KCNIP1: variants seen among roughly 807,000 people sequenced by gnomAD.
The protein encoded by KCNIP1 is potassium voltage-gated channel interacting protein 1.
KCNIP1 carries 18 observed loss-of-function variants against 33.0 expected under a neutral mutation model. The observed-to-expected ratio is 0.55, with a 90% CI of 0.38 to 0.81. KCNIP1 has a LOEUF of 0.81. KCNIP1 is among the 30% of genes least tolerant of loss of function. The probability of loss-of-function intolerance (pLI) is 0.00; values close to 1 mark genes in which losing one functional copy is unlikely to be tolerated. For missense variants in KCNIP1, 238 were observed against 271.6 expected, an observed-to-expected ratio of 0.88 and a Z score of 0.87; for synonymous variants, 93 against 98.3, an observed-to-expected ratio of 0.95 and a Z score of 0.32.
intron 1 of KCNIP1, among the ~76,000 whole-genome samples, chr5:170,402,597 A>G (rs370265595): frequency 2.0e-5 from 3 of 152,190 alleles, no homozygotes; most frequent in East Asian, 1.9e-4. Context: ...CATGTGAATC[A>G]TTGAACATCT....
In KCNIP1 at chr5:170,369,101, G is replaced by A. The variant is rs376646312; in HGVS notation, c.88+15137G>A. 2.6e-5 allele frequency among the ~76,000 whole-genome samples: 4 copies of A among 152,332 alleles called. No individual in the cohort carries two copies. The East Asian group carries it at 5.8e-4, about 22-fold the overall frequency. The stretch of plus-strand genomic sequence containing the variant: ...AATAAAAAGCTGGGGAAATAAAGGA[G>A]CAGTGTAGTATAGTATTTAAGGGCA... On this transcript the variant is annotated intron_variant, in intron 1 of 7. Transcript: ENST00000377360.
At chr5:170,390,517 A>AAAATATATATATATATATATATATAT in intron 1 of KCNIP1, among the ~76,000 whole-genome samples, 7 of 74,516 alleles carry the variant, frequency 9.4e-5, no homozygotes, top group South Asian at 4.4e-4. Context: ...AAAAAAAACA[A>AAAATATATATATATATATATATATAT]ATATATATAT....
At chr5:170,731,823 AGAT>A in intron 5 of KCNIP1, among the ~76,000 whole-genome samples, 2 of 17,102 alleles carry the variant, frequency 1.2e-4, no homozygotes, top group Non-Finnish European at 2.5e-4. Flanking sequence ...TGAAAAGCTG[AGAT>A]CCCGCCACTG....
At chr5:170,641,959 A>T (rs913455174) in intron 1 of KCNIP1, 13 of 150,804 alleles carry the variant, frequency 8.6e-5, no homozygotes, top group African/African-American at 2.7e-4. Context: ...CATGTCACCC[A>T]CCCCCGGCTC....
At chr5:170,705,987 G>T (rs763184559) in intron 1 of KCNIP1, among the ~76,000 whole-genome samples, 3 of 152,176 alleles carry the variant, frequency 2.0e-5, no homozygotes, top group Non-Finnish European at 4.4e-5. Context: ...ATTCTAGCTT[G>T]AATTAGTCTA....
chr5:170,516,887 A>G (rs1156245664), intron 1 of KCNIP1, among the ~76,000 whole-genome samples: 1 of 152,218 alleles, frequency 6.6e-6, no homozygotes, highest in Non-Finnish European at 1.5e-5. Flanking sequence ...AAGGCAGTGC[A>G]TACGTGGTGG....
chr5:170,520,134 C>A (rs10040561), intron 1 of KCNIP1, among the ~76,000 whole-genome samples: 93,994 of 152,066 alleles, frequency 0.62, 30,807 homozygotes, highest in East Asian at 0.85. Context: ...GCATGTATAC[C>A]TCTTTGTATA....
At chr5:170,384,336 A>G (rs1317536211) in intron 1 of KCNIP1, among the ~76,000 whole-genome samples, 1 of 152,230 alleles carries the variant, frequency 6.6e-6, no homozygotes, top group African/African-American at 2.4e-5. Context: ...CAGGACCTGA[A>G]GCTAGGTCTG....
intron 1 of KCNIP1, chr5:170,422,843 T>G (rs552334307): frequency 8.5e-5 from 13 of 152,348 alleles, no homozygotes; most frequent in African/African-American, 2.6e-4. Flanking sequence ...TGTGAACACC[T>G]GTTATCCTGG....
At chr5:170,699,003 C>T (rs1056334658) in intron 1 of KCNIP1, among the ~76,000 whole-genome samples, 3 of 152,194 alleles carry the variant, frequency 2.0e-5, no homozygotes, top group Non-Finnish European at 4.4e-5. Flanking sequence ...CCCAAGACAG[C>T]CCTGGCCTCT....
chr5:170,572,475 A>G (rs1361921740), intron 1 of KCNIP1, among the ~76,000 whole-genome samples: 2 of 152,102 alleles, frequency 1.3e-5, no homozygotes, highest in Non-Finnish European at 2.9e-5. Context: ...GCTTCAGCAA[A>G]CCCCAGCGCC....
At chr5:170,597,039 A>G (rs988896134) in intron 1 of KCNIP1, among the ~76,000 whole-genome samples, 15 of 152,236 alleles carry the variant, frequency 9.9e-5, no homozygotes, top group Non-Finnish European at 2.1e-4. Flanking sequence ...TAAGTAACAT[A>G]TTGAAGCTCA....
chr5:170,580,927 C>T (rs1757769327), intron 1 of KCNIP1, among the ~76,000 whole-genome samples: 2 of 152,118 alleles, frequency 1.3e-5, no homozygotes, highest in Non-Finnish European at 2.9e-5. Flanking sequence ...AGAGGCTTGG[C>T]AACTTCTTAT....
At chr5:170,371,075 C>T (rs988865389) in intron 1 of KCNIP1, among the ~76,000 whole-genome samples, 1 of 152,068 alleles carries the variant, frequency 6.6e-6, no homozygotes, top group Non-Finnish European at 1.5e-5. Context: ...GAGGCGGGTG[C>T]ATTTGCTGAG....
chr5:170,641,087 C>T (rs1208080268), intron 1 of KCNIP1, among the ~76,000 whole-genome samples: 2 of 152,068 alleles, frequency 1.3e-5, no homozygotes, highest in East Asian at 1.9e-4. Context: ...CAAGCAGAGG[C>T]GGTCCCCACC....
At chr5:170,378,815 C>T in intron 1 of KCNIP1, 1 of 1,614,242 alleles carries the variant, frequency 6.2e-7, no homozygotes, top group Non-Finnish European at 8.5e-7. Flanking sequence ...AGAGGAGGGC[C>T]TGGGGCCCGT....
At chr5:170,518,558 A>G (rs1009993450) in intron 1 of KCNIP1, among the ~76,000 whole-genome samples, 2 of 152,256 alleles carry the variant, frequency 1.3e-5, no homozygotes, top group Non-Finnish European at 2.9e-5. Flanking sequence ...GTTCTCTTGG[A>G]TGAACTCATC....
At position 170,385,198 on chromosome 5, in the gene KCNIP1, C is replaced by T. The variant is rs552128127; in HGVS notation, c.88+31234C>T. ...AACCTAAGAATGAGCATCGTCTTGACCCTGCTGCCTTGAATGAGGGTCAAG... is the reference window on the plus strand; with the variant it reads ...AACCTAAGAATGAGCATCGTCTTGATCCTGCTGCCTTGAATGAGGGTCAAG... On this transcript the variant is annotated intron_variant, in intron 1 of 7. Coordinates refer to the KCNIP1 transcript ENST00000377360. 10 of 1,148,212 alleles carry T rather than the reference C, an allele frequency of 8.7e-6. No homozygotes were observed. In the African/African-American group the frequency reaches 1.2e-4, roughly 14 times the overall value. The allele number at this position is 1,148,212 out of a possible 1,614,324, so 71.1% of individuals were successfully genotyped here. A position where few individuals can be genotyped will look rare whatever the true frequency, so the allele number is the denominator to read the frequency against.
At chr5:170,426,401 C>A (rs1279884449) in intron 1 of KCNIP1, among the ~76,000 whole-genome samples, 1 of 152,194 alleles carries the variant, frequency 6.6e-6, no homozygotes, top group African/African-American at 2.4e-5. Flanking sequence ...AATTTGGAAG[C>A]CTGACCTTGT....
Sources: gnomAD v4.1 joint callset for allele counts (sites outside exome capture counted in the v4.1 genomes callset) on GRCh38, gnomAD v4.1.1 for gene constraint, MANE v1.5 for transcripts, NCBI Gene and HGNC (gene_info 2026-07-23, HGNC 2026-07-21) for gene names.